Variants in CRISPLD2 observed in about 807,000 individuals in gnomAD.
CRISPLD2 encodes cysteine rich secretory protein LCCL domain containing 2, also known as cysteine-rich secretory protein LCCL domain-containing 2.
Under a neutral mutation model 71.1 loss-of-function variants are expected in CRISPLD2, and 47 were observed. The observed-to-expected ratio is 0.66, with a 90% confidence interval of 0.52 to 0.84. The LOEUF (loss-of-function observed/expected upper bound fraction) is 0.84. CRISPLD2 is among the 40% of genes least tolerant of loss of function. CRISPLD2 has a pLI of 0.00. For missense variants in CRISPLD2, 830 were observed against 651.1 expected (o/e 1.27, Z -2.99); for synonymous variants, 317 against 250.1 (o/e 1.27, Z -2.52).
Position 84,864,883 on chromosome 16 carries a change from G to A in CRISPLD2, c.710-2014G>A, listed in dbSNP as rs576277821. Among the ~76,000 whole-genome samples the A allele has an allele frequency of 3.3e-5, 5 of 152,292 alleles. No homozygotes were observed. The South Asian group carries it at 1.0e-3, about 32-fold the overall frequency. Reference sequence around the variant, plus strand: ...AAGATTAGAATTGGAGCTCAGAATGGCTTCCCACCTTCTGACTTAAACCCG... The same window carrying A: ...AAGATTAGAATTGGAGCTCAGAATGACTTCCCACCTTCTGACTTAAACCCG... On this transcript the variant is annotated intron_variant, in intron 6 of 14. Transcript: ENST00000262424.
At chr16:84,830,160 T>C (rs1322236592) in intron 1 of CRISPLD2, among the ~76,000 whole-genome samples, 1 of 151,938 alleles carries the variant, frequency 6.6e-6, no homozygotes, top group Non-Finnish European at 1.5e-5. Context: ...CCTTTTCTAC[T>C]ATAAATACAA....
chr16:84,858,371 G>GTT (rs1567690383), intron 6 of CRISPLD2, among the ~76,000 whole-genome samples: 2 of 152,140 alleles, frequency 1.3e-5, no homozygotes, highest in Admixed American at 6.6e-5. Context: ...AATCCTAATT[G>GTT]GCCCACTAGG....
chr16:84,880,798 C>T, intron 13 of CRISPLD2: 1 of 420,428 alleles, frequency 2.4e-6, no homozygotes. Flanking sequence ...CTCTGCCTCC[C>T]AGGTTCAAAC....
rs747689189 is a variant in CRISPLD2, at chr16:84,906,623, T to C, written c.1475T>C (p.Ile492Thr). Residue 492 changes from isoleucine to threonine, a missense_variant, in exon 15 of 15, where the codon ATC becomes ACC. Coordinates refer to ENST00000262424, the MANE Select transcript of CRISPLD2 (RefSeq NM_031476.4). ...CCTCGGGATGGAAAGGCCTTCCGGA[T>C]CTTTGCTGTCAGGCAGTGAATTTCC... ...GTPRDGKAFR[I>T]FAVRQ The C allele has an allele frequency of 6.2e-7, 1 of 1,613,924 alleles. No homozygotes were observed. Among genetic ancestry groups the C allele is most frequent in the South Asian group, 1.1e-5 (1 of 91,058 alleles).
At chr16:84,886,467 T>G (rs1449183278) in intron 13 of CRISPLD2, among the ~76,000 whole-genome samples, 1 of 152,144 alleles carries the variant, frequency 6.6e-6, no homozygotes, top group Non-Finnish European at 1.5e-5. Flanking sequence ...CACTGATTAC[T>G]TCTGCAATGG....
chr16:84,877,076 C>A (rs1285417156), intron 11 of CRISPLD2, among the ~76,000 whole-genome samples: 1 of 152,190 alleles, frequency 6.6e-6, no homozygotes, highest in Non-Finnish European at 1.5e-5. Flanking sequence ...CTCTGAGCTT[C>A]CATTTCCTCA....
At chr16:84,856,211 C>A (rs982763325) in intron 6 of CRISPLD2, among the ~76,000 whole-genome samples, 1 of 152,154 alleles carries the variant, frequency 6.6e-6, no homozygotes, top group Non-Finnish European at 1.5e-5. Context: ...GTTGTAGTTT[C>A]CCATTGACCT....
intron 6 of CRISPLD2, among the ~76,000 whole-genome samples, chr16:84,858,335 C>G (rs754994353): frequency 3.9e-5 from 6 of 152,168 alleles, no homozygotes; most frequent in Non-Finnish European, 7.3e-5. Flanking sequence ...AGTAACGCAC[C>G]CAGATGAGGA....
At chr16:84,872,018 A>G (rs1408204666) in intron 8 of CRISPLD2, among the ~76,000 whole-genome samples, 8 of 152,196 alleles carry the variant, frequency 5.3e-5, no homozygotes, top group Admixed American at 4.6e-4. Flanking sequence ...ATTACAGTAT[A>G]ATAATAAAAA....
chr16:84,883,322 C>T (rs1396385504), intron 13 of CRISPLD2, among the ~76,000 whole-genome samples: 1 of 152,176 alleles, frequency 6.6e-6, no homozygotes, highest in Non-Finnish European at 1.5e-5. Context: ...CTGTTCCTGC[C>T]TGCGGCTCCC....
chr16:84,873,338 C>T (rs903456550), intron 10 of CRISPLD2: 8 of 379,842 alleles, frequency 2.1e-5, no homozygotes, highest in South Asian at 6.3e-5. Context: ...GTTAGCCAGG[C>T]GTGGTGGCAG....
Position 84,839,078 on chromosome 16 carries a change from G to A in CRISPLD2, c.240+343G>A, listed in dbSNP as rs1027361558. On this transcript the variant is annotated intron_variant, in intron 2 of 14. Coordinates refer to ENST00000262424, the MANE Select transcript of CRISPLD2 (RefSeq NM_031476.4). ...ATTTTAAATATTTTGTGGAGATGGG[G>A]GTCTTGCTACGTTGCCCAGGCTGGT... 4.0e-5 allele frequency: 16 copies of A among 398,516 alleles called. No homozygotes were observed. The East Asian group carries it at 9.8e-4, about 24-fold the overall frequency. 24.7% of individuals were successfully genotyped at this position (398,516 alleles called of 1,614,324 possible).
intron 3 of CRISPLD2, among the ~76,000 whole-genome samples, chr16:84,847,255 C>T (rs1916939054): frequency 6.6e-6 from 1 of 152,216 alleles, no homozygotes; most frequent in Non-Finnish European, 1.5e-5. Flanking sequence ...CGTGGGTTTT[C>T]AGGACAAACC....
In CRISPLD2 at chr16:84,908,680, CTT is replaced by C. The variant is rs202056163; in HGVS notation, c.*2060_*2061del. 18,877 of 116,808 alleles carry C rather than the reference CTT, an allele frequency of 0.16. 1,602 individuals carry two copies. Among genetic ancestry groups the C allele is most frequent in the African/African-American group, 0.25 (7,658 of 30,882 alleles). The allele number at this position is 116,808 out of a possible 1,614,324, so 7.2% of individuals were successfully genotyped here. A position where few individuals can be genotyped will look rare whatever the true frequency, so the allele number is the denominator to read the frequency against. ...CTTGCCCAGAGCAGGACCTGGCTGTCTTTTTTTTTTTTTTTTTTTTTTTCCCG... is the reference window on the plus strand; with the variant it reads ...CTTGCCCAGAGCAGGACCTGGCTGTCTTTTTTTTTTTTTTTTTTTTTCCCG... On this transcript the variant is annotated 3_prime_UTR_variant, in exon 15 of 15. Coordinates refer to ENST00000262424, the MANE Select transcript of CRISPLD2 (RefSeq NM_031476.4).
chr16:84,867,075 C>G, intron 7 of CRISPLD2, 35 bp downstream of exon 7: 1 of 1,602,860 alleles, frequency 6.2e-7, no homozygotes, highest in African/African-American at 1.3e-5. Flanking sequence ...CTCCTGCCCT[C>G]CCAGCCACCT....
intron 5 of CRISPLD2, 64 bp from the exon 6 acceptor site, chr16:84,854,665 A>G: frequency 8.4e-7 from 1 of 1,188,334 alleles, no homozygotes; most frequent in Non-Finnish European, 1.3e-6. Flanking sequence ...GCCTTGGAAG[A>G]GGATCAGTCC....
chr16:84,849,366 A>C lies in CRISPLD2; in HGVS notation c.360-19A>C. 6.2e-7 allele frequency: 1 copy of C among 1,607,030 alleles called. No individual in the cohort carries two copies. Among genetic ancestry groups the C allele is most frequent in the Non-Finnish European group, 8.5e-7 (1 of 1,174,642 alleles). ...TGAGGGGAGGGGCTGGGACTGAGTG[A>C]GCGGTTTCTGCCCTGCAGGTATCGC... On this transcript the variant is annotated intron_variant, in intron 3 of 14. Coordinates refer to ENST00000262424, the MANE Select transcript of CRISPLD2 (RefSeq NM_031476.4).
rs553637204 is a variant in CRISPLD2, at chr16:84,889,239, A to G, written c.1315A>G (p.Ile439Val). 2.7e-4 allele frequency: 429 copies of G among 1,614,166 alleles called. 6 individuals carry two copies. In the South Asian group the frequency reaches 3.7e-3, roughly 14 times the overall value. ...CTTCCTGTGCTTCCAGACCTCAAGC[A>G]TCTGCAAGACAGCCGTGCACGCGGG... ...GTNIYADTSS[I>V]CKTAVHAGVI... Residue 439 changes from isoleucine (I) to valine (V), a missense_variant, in exon 14 of 15, where the codon ATC becomes GTC. Physicochemically the swap from Ile to Val is conservative, Grantham distance 29. Transcript: ENST00000262424.
At chr16:84,842,990 C>T (rs1487607271) in intron 2 of CRISPLD2, among the ~76,000 whole-genome samples, 1 of 152,168 alleles carries the variant, frequency 6.6e-6, no homozygotes, top group African/African-American at 2.4e-5. Flanking sequence ...CTGTGTGGTC[C>T]TCCCGGTTTC....
Sources: gnomAD v4.1 joint callset for allele counts (sites outside exome capture counted in the v4.1 genomes callset) on GRCh38, gnomAD v4.1.1 for gene constraint, MANE v1.5 for transcripts, NCBI Gene and HGNC (gene_info 2026-07-23, HGNC 2026-07-21) for gene names.